The following ATP2C2 variants were observed in gnomAD, a reference collection of about 807,000 sequenced individuals.
The protein encoded by ATP2C2 is ATPase secretory pathway Ca2+ transporting 2, also known as calcium-transporting ATPase type 2C member 2.
In ATP2C2, 171 loss-of-function variants were observed where a neutral mutation model predicts 110.8. That is an observed-to-expected ratio of 1.54 (90% CI 1.36 to 1.75). The LOEUF (loss-of-function observed/expected upper bound fraction) is 1.75. Among genes scored for constraint, ATP2C2 ranks in the 40% most tolerant of loss-of-function variants. The pLI is 0.00. For synonymous variants in ATP2C2, 804 were observed against 508.4 expected (o/e 1.58, Z -7.82); for missense variants, 1,963 against 1,235.0 (o/e 1.59, Z -8.84).
At chr16:84,398,949 T>C (rs1905154013) in intron 2 of ATP2C2, among the ~76,000 whole-genome samples, 1 of 152,196 alleles carries the variant, frequency 6.6e-6, no homozygotes, top group Admixed American at 6.5e-5. Flanking sequence ...GTGTTAGAGG[T>C]AGCACAGCCC....
intron 1 of ATP2C2, among the ~76,000 whole-genome samples, chr16:84,377,501 G>T (rs910572555): frequency 6.6e-6 from 1 of 152,000 alleles, no homozygotes; most frequent in East Asian, 1.9e-4. Flanking sequence ...TCCTCCGGAG[G>T]CCTCTCTGCT....
chr16:84,398,816 T>C (rs1248243204), intron 2 of ATP2C2, among the ~76,000 whole-genome samples: 1 of 152,200 alleles, frequency 6.6e-6, no homozygotes, highest in Admixed American at 6.5e-5. Flanking sequence ...CACCAGGCCC[T>C]TACCGGAAGA....
rs780269351 is a variant in ATP2C2 at position 84,398,639 on chromosome 16, T to C, written c.210+30T>C. On this transcript the variant is annotated intron_variant, in intron 2 of 26. Coordinates refer to ENST00000262429, the MANE Select transcript of ATP2C2 (RefSeq NM_014861.4). Reference sequence around the variant, plus strand: ...GAATTGAATTTGCATCTGGAGCTAATTGTGATAAGGTTTTATGTTTAAAAG... The same window carrying C: ...GAATTGAATTTGCATCTGGAGCTAACTGTGATAAGGTTTTATGTTTAAAAG... 21 of 1,544,778 alleles carry C rather than the reference T, an allele frequency of 1.4e-5. No individual in the cohort carries two copies. The Admixed American group carries it at 3.4e-4, about 25-fold the overall frequency.
At chr16:84,428,778 T>C (rs1908006542) in intron 11 of ATP2C2, among the ~76,000 whole-genome samples, 1 of 152,146 alleles carries the variant, frequency 6.6e-6, no homozygotes, top group African/African-American at 2.4e-5. Flanking sequence ...TAGTTTTCAA[T>C]AGGAAAAGAA....
intron 6 of ATP2C2, among the ~76,000 whole-genome samples, chr16:84,412,167 T>C (rs528382975): frequency 6.6e-6 from 1 of 152,272 alleles, no homozygotes; most frequent in South Asian, 2.1e-4. Context: ...GTGCATGCCA[T>C]GCCACCACAC....
rs116428863 is a variant in ATP2C2, at chr16:84,387,250, G to A, written c.100-11249G>A. 8.2e-3 allele frequency among the ~76,000 whole-genome samples: 1,254 copies of A among 152,268 alleles called. 21 individuals carry two copies. Among genetic ancestry groups the A allele is most frequent in the African/African-American group, 0.027 (1,136 of 41,544 alleles). On this transcript the variant is annotated intron_variant, in intron 1 of 26. Coordinates refer to ENST00000262429, the MANE Select transcript of ATP2C2 (RefSeq NM_014861.4). ...TAAAAGCCCAAACTGGGCCAGGTGC[G>A]GTGGCTCGTGCCTGTAATCCCAGCG... is the stretch of plus-strand genomic sequence containing the variant.
At chr16:84,370,548 T>C (rs1316442717) in intron 1 of ATP2C2, among the ~76,000 whole-genome samples, 1 of 152,144 alleles carries the variant, frequency 6.6e-6, no homozygotes, top group Admixed American at 6.5e-5. Flanking sequence ...TCCTGCCAGG[T>C]TGGCTCAGAC....
At position 84,453,176 on chromosome 16, in the gene ATP2C2, A is replaced by G. The variant is rs776167328; in HGVS notation, c.1870A>G (p.Met624Val). 16 of 1,613,762 alleles carry G rather than the reference A, an allele frequency of 9.9e-6. No individual in the cohort carries two copies. The Admixed American group carries it at 2.3e-4, about 24-fold the overall frequency. Reference sequence around the variant, plus strand: ...CCTGTGCAACGGGAAGCTGCAAGCCATGTCCGGGGAGGAGGTGGACAGCGT... The same window carrying G: ...CCTGTGCAACGGGAAGCTGCAAGCCGTGTCCGGGGAGGAGGTGGACAGCGT... ...IGLCNGKLQA[M>V]SGEEVDSVEK... Residue 624 changes from methionine to valine, a missense_variant, in exon 19 of 27, where the codon ATG becomes GTG. By Grantham distance (21) the Met-to-Val change is conservative. Coordinates refer to ENST00000262429, the MANE Select transcript of ATP2C2 (RefSeq NM_014861.4).
chr16:84,454,697 G>A (rs1026732922), intron 20 of ATP2C2, 121 bp from the exon 21 acceptor site: 3 of 1,043,610 alleles, frequency 2.9e-6, no homozygotes, highest in African/African-American at 1.7e-5. Context: ...GGTGAAGCTG[G>A]GATTCGAATT....
rs116095562 is a variant in ATP2C2 at position 84,395,322 on chromosome 16, A to G, written c.100-3177A>G. On this transcript the variant is annotated intron_variant, in intron 1 of 26. Coordinates refer to ENST00000262429, the MANE Select transcript of ATP2C2 (RefSeq NM_014861.4). ...CAGCATGGCACCCTGTCACCCCATG[A>G]CTTCCTCAATCCACCTAGCTCATTC... is the stretch of plus-strand genomic sequence containing the variant. Among the ~76,000 whole-genome samples, 548 of 152,016 alleles carry G rather than the reference A, an allele frequency of 3.6e-3. 5 individuals are homozygous for G. Among genetic ancestry groups the G allele is most frequent in the African/African-American group, 0.012 (514 of 41,406 alleles).
At chr16:84,391,314 C>T (rs762575285) in intron 1 of ATP2C2, among the ~76,000 whole-genome samples, 1 of 152,152 alleles carries the variant, frequency 6.6e-6, no homozygotes, top group Non-Finnish European at 1.5e-5. Flanking sequence ...ACCCTTCAGC[C>T]CCACAGCCCC....
intron 2 of ATP2C2, among the ~76,000 whole-genome samples, chr16:84,398,853 C>T (rs909509437): frequency 5.9e-5 from 9 of 152,168 alleles, no homozygotes; most frequent in East Asian, 5.8e-4. Flanking sequence ...ACTCTGTGTA[C>T]GCTGCTTCTC....
At position 84,462,017 on chromosome 16, in the gene ATP2C2, C is replaced by G. The variant is rs377364464; in HGVS notation, c.2610C>G (p.Leu870=). Residue 870 remains leucine, a synonymous_variant, in exon 26 of 27, where the codon CTC becomes CTG. Transcript: ENST00000262429. ...QTKLIFEIGF[L]RNHMFLYSVL... ...AGCTGATATTTGAGATCGGCTTTCT[C>G]AGGAACCACATGTTCCTCTACTCCG... is the stretch of plus-strand genomic sequence containing the variant. 1 of 1,613,964 alleles carries G rather than the reference C, an allele frequency of 6.2e-7. No individual in the cohort carries two copies. Among genetic ancestry groups the G allele is most frequent in the African/African-American group, 1.3e-5 (1 of 75,038 alleles).
At chr16:84,421,321 C>T (rs890668238) in intron 7 of ATP2C2, among the ~76,000 whole-genome samples, 49 of 152,208 alleles carry the variant, frequency 3.2e-4, no homozygotes, top group Non-Finnish European at 1.8e-4. Context: ...AGTGGGGAGA[C>T]GGGCATTACC....
intron 1 of ATP2C2, among the ~76,000 whole-genome samples, chr16:84,390,582 G>C (rs576091473): frequency 6.6e-6 from 1 of 152,168 alleles, no homozygotes; most frequent in South Asian, 2.1e-4. Flanking sequence ...GGACCGTGAC[G>C]TCCATAGAGA....
At chr16:84,427,026 G>C (rs1292748515) in intron 11 of ATP2C2, among the ~76,000 whole-genome samples, 9 of 152,124 alleles carry the variant, frequency 5.9e-5, no homozygotes, top group African/African-American at 2.2e-4. Context: ...TCACTAACTG[G>C]GTATGTCCCA....
At chr16:84,411,643 C>T (rs569927668) in intron 6 of ATP2C2, among the ~76,000 whole-genome samples, 14 of 152,294 alleles carry the variant, frequency 9.2e-5, no homozygotes, top group African/African-American at 7.2e-5. Context: ...GGTTTCGCCA[C>T]GTTGGCTAGG....
chr16:84,368,819 C>A, intron 1 of ATP2C2, 105 bp downstream of exon 1: 1 of 946,136 alleles, frequency 1.1e-6, no homozygotes, highest in Non-Finnish European at 1.6e-6. Flanking sequence ...GATCCGCGAA[C>A]TCGCCCTCCT....
intron 20 of ATP2C2, 89 bp from the exon 21 acceptor site, chr16:84,454,729 G>T (rs971592755): frequency 1.5e-6 from 2 of 1,347,248 alleles, no homozygotes; most frequent in African/African-American, 3.0e-5. Context: ...CCAGACAGAG[G>T]TGTCTGTGGC....
Sources: allele counts gnomAD v4.1 joint callset (sites outside exome capture counted in the v4.1 genomes callset), GRCh38; gene constraint gnomAD v4.1.1; transcripts MANE v1.5; gene names NCBI Gene and HGNC (gene_info 2026-07-23, HGNC 2026-07-21).